The following YEATS4 variants were observed in gnomAD, a reference collection of about 807,000 sequenced individuals.
YEATS4 encodes YEATS domain-containing protein 4.
YEATS4 carries 17 observed loss-of-function variants against 30.1 expected under a neutral mutation model. The ratio of observed to expected loss-of-function variants is 0.56; its 90% CI spans 0.39 to 0.85. YEATS4 has a LOEUF of 0.85. YEATS4 is among the 40% of genes least tolerant of loss of function. The pLI, the probability that YEATS4 is intolerant of heterozygous loss-of-function variation, is 0.00. For missense variants in YEATS4, 142 were observed against 268.3 expected (o/e 0.53, Z 3.29); for synonymous variants, 85 against 87.5 (o/e 0.97, Z 0.16).
At chr12:69,395,845 C>T (rs74101132), downstream of YEATS4, among the ~76,000 whole-genome samples, 7,839 of 152,124 alleles carry the variant, frequency 0.052, 269 homozygotes, top group African/African-American at 0.091. Flanking sequence ...GTGCATTGTC[C>T]GGTGAACTCG....
At chr12:69,426,389 G>A in the YEATS4 span, among the ~76,000 whole-genome samples, 1 of 152,000 alleles carries the variant, frequency 6.6e-6, no homozygotes, top group African/African-American at 2.4e-5. Context: ...TTTTTCTTTT[G>A]AGATGGAGTC....
rs769323648 is a variant in YEATS4 at position 69,366,647 on chromosome 12, C to T, written c.333+763C>T. ...AAAACTCAGTAATGGCTCTCACATT[C>T]CACATATGTGGCTGGGGTTTAACTC... On this transcript the variant is annotated intron_variant, in intron 4 of 6. Transcript: ENST00000247843. 4.1e-4 allele frequency among the ~76,000 whole-genome samples: 63 copies of T among 152,070 alleles called. 1 individual carries two copies. The highest frequency in any genetic ancestry group is 2.3e-3 in the Admixed American group (35 of 15,272).
At chr12:69,363,292 C>T (rs1392698271) in intron 2 of YEATS4, among the ~76,000 whole-genome samples, 2 of 151,756 alleles carry the variant, frequency 1.3e-5, no homozygotes. Flanking sequence ...CGCGCCCGGC[C>T]GACAACCTGT....
chr12:69,409,997 CT>C, the YEATS4 span, among the ~76,000 whole-genome samples: 3 of 152,188 alleles, frequency 2.0e-5, no homozygotes, highest in Non-Finnish European at 4.4e-5. Context: ...AGAACCAACT[CT>C]GTAGATCAAC....
intron 6 of YEATS4, among the ~76,000 whole-genome samples, chr12:69,386,703 A>C (rs1265393973): frequency 6.6e-6 from 1 of 152,168 alleles, no homozygotes; most frequent in Non-Finnish European, 1.5e-5. Flanking sequence ...ACTGGGAACA[A>C]AGTCTAAAGA....
chr12:69,414,017 C>G, the YEATS4 span, among the ~76,000 whole-genome samples: 7 of 152,094 alleles, frequency 4.6e-5, no homozygotes, highest in Non-Finnish European at 1.0e-4. Flanking sequence ...TTGAATCCTG[C>G]TCTCCCATTT....
At chr12:69,422,074 G>A in the YEATS4 span, among the ~76,000 whole-genome samples, 1 of 152,116 alleles carries the variant, frequency 6.6e-6, no homozygotes. Flanking sequence ...AGACCAGAGT[G>A]CTAATAGGTA....
chr12:69,368,891 C>A (rs1437911174), intron 4 of YEATS4, among the ~76,000 whole-genome samples: 2 of 152,146 alleles, frequency 1.3e-5, no homozygotes, highest in African/African-American at 4.8e-5. Context: ...TGTAATTACA[C>A]CTGCAAAGAC....
At chr12:69,424,696 C>G in the YEATS4 span, among the ~76,000 whole-genome samples, 1 of 152,064 alleles carries the variant, frequency 6.6e-6, no homozygotes, top group South Asian at 2.1e-4. Flanking sequence ...CTTTCCCCTT[C>G]GCTCTCCCTC....
At chr12:69,390,887 C>T (rs1868309998), downstream of YEATS4, 1 of 152,236 alleles carries the variant, frequency 6.6e-6, no homozygotes. Context: ...TGTGACATCA[C>T]ATCTCTTATT....
chr12:69,394,412 T>C (rs1868336423), downstream of YEATS4, among the ~76,000 whole-genome samples: 2 of 152,306 alleles, frequency 1.3e-5, no homozygotes, highest in Admixed American at 6.5e-5. Flanking sequence ...AAGACTTGAA[T>C]AGGCAGTTCA....
chr12:69,380,611 A>G (rs996522684), intron 6 of YEATS4, among the ~76,000 whole-genome samples: 4 of 152,102 alleles, frequency 2.6e-5, no homozygotes, highest in Non-Finnish European at 5.9e-5. Flanking sequence ...CCTGGCTGCC[A>G]CCTATGTTTG....
chr12:69,407,503 A>T, the YEATS4 span, among the ~76,000 whole-genome samples: 17 of 152,006 alleles, frequency 1.1e-4, no homozygotes, highest in African/African-American at 4.1e-4. Flanking sequence ...GAGGCTGGGA[A>T]TTGTTTGCCA....
chr12:69,371,254 T>C (rs1875626227), intron 6 of YEATS4, among the ~76,000 whole-genome samples: 1 of 152,236 alleles, frequency 6.6e-6, no homozygotes, highest in Non-Finnish European at 1.5e-5. Flanking sequence ...AGTTTTTTAT[T>C]AGTCTTGCTT....
intron 6 of YEATS4, among the ~76,000 whole-genome samples, chr12:69,378,162 G>A (rs1481807847): frequency 2.6e-5 from 4 of 151,994 alleles, no homozygotes; most frequent in African/African-American, 4.8e-5. Context: ...TGCTACTCCT[G>A]CTCTTTTTTG....
At chr12:69,387,878 A>T (rs942838490) in intron 6 of YEATS4, among the ~76,000 whole-genome samples, 11 of 152,196 alleles carry the variant, frequency 7.2e-5, no homozygotes, top group African/African-American at 2.7e-4. Context: ...TCTACTCTTT[A>T]ATCTTTTAAT....
the YEATS4 span, among the ~76,000 whole-genome samples, chr12:69,419,184 T>C: frequency 6.7e-6 from 1 of 149,834 alleles, no homozygotes. Flanking sequence ...CTATGCTTTG[T>C]ATATACACCT....
intron 2 of YEATS4, among the ~76,000 whole-genome samples, chr12:69,363,838 G>A (rs942889464): frequency 7.2e-5 from 11 of 152,146 alleles, no homozygotes; most frequent in African/African-American, 2.2e-4. Flanking sequence ...TAAATAAAAT[G>A]TGATATATCC....
chr12:69,414,687 C>T, the YEATS4 span, among the ~76,000 whole-genome samples: 1 of 152,194 alleles, frequency 6.6e-6, no homozygotes, highest in African/African-American at 2.4e-5. Flanking sequence ...TGGCATATAA[C>T]GTCTGGAGGT....
Sources: gnomAD v4.1 joint callset for allele counts (sites outside exome capture counted in the v4.1 genomes callset) on GRCh38, gnomAD v4.1.1 for gene constraint, MANE v1.5 for transcripts, NCBI Gene and HGNC (gene_info 2026-07-23, HGNC 2026-07-21) for gene names.